Variants in SUN1 observed in about 807,000 individuals in gnomAD.
SUN1 encodes the protein SUN domain-containing protein 1.
Under a neutral mutation model 103.2 loss-of-function variants are expected in SUN1, and 61 were observed. The observed-to-expected ratio is 0.59, with a 90% confidence interval of 0.48 to 0.73. SUN1 has a LOEUF of 0.73. SUN1 is among the 30% of genes least tolerant of loss of function. SUN1 has a pLI of 0.00. For synonymous variants in SUN1, 490 were observed against 425.7 expected (o/e 1.15, Z -1.86); for missense variants, 1,052 against 1,034.6 (o/e 1.02, Z -0.23).
chr7:819,408 ACT>A (rs1432782387), intron 1 of SUN1, among the ~76,000 whole-genome samples: 1 of 152,026 alleles, frequency 6.6e-6, no homozygotes, highest in African/African-American at 2.4e-5. Flanking sequence ...ATACCTAAGA[ACT>A]CTGCAAAATC....
chr7:861,529 A>C, intron 15 of SUN1, 65 bp downstream of exon 15: 16 of 1,542,668 alleles, frequency 1.0e-5, no homozygotes, highest in Non-Finnish European at 1.3e-5. Context: ...TGTGCACTTG[A>C]GAGGCTGTTG....
intron 18 of SUN1, among the ~76,000 whole-genome samples, chr7:872,984 G>C (rs1442578621): frequency 6.6e-6 from 1 of 152,228 alleles, no homozygotes; most frequent in African/African-American, 2.4e-5. Flanking sequence ...CTACTCAGGA[G>C]GCTGAGGCAG....
At chr7:844,636 G>A (rs952579231) in intron 5 of SUN1, among the ~76,000 whole-genome samples, 2 of 152,198 alleles carry the variant, frequency 1.3e-5, no homozygotes, top group Admixed American at 6.5e-5. Flanking sequence ...GAAAGGTGGC[G>A]GGAGCGGGGC....
At chr7:840,701 G>A (rs1223675232) in intron 2 of SUN1, among the ~76,000 whole-genome samples, 1 of 148,894 alleles carries the variant, frequency 6.7e-6, no homozygotes, top group African/African-American at 2.5e-5. Context: ...GAGTGCAGTG[G>A]TGCAATCTCG....
intron 1 of SUN1, among the ~76,000 whole-genome samples, chr7:825,128 A>C (rs547770483): frequency 1.3e-5 from 2 of 151,420 alleles, no homozygotes; most frequent in Non-Finnish European, 2.9e-5. Flanking sequence ...GCACGATCTC[A>C]GCTCACTGCA....
At chr7:847,440 C>T (rs548239171) in intron 5 of SUN1, among the ~76,000 whole-genome samples, 1 of 147,486 alleles carries the variant, frequency 6.8e-6, no homozygotes, top group Non-Finnish European at 1.5e-5. Flanking sequence ...CCGGGATCCC[C>T]TGGGGGTTAC....
intron 1 of SUN1, among the ~76,000 whole-genome samples, chr7:822,924 C>CCA (rs940578371): frequency 2.0e-5 from 3 of 152,134 alleles, no homozygotes; most frequent in Admixed American, 6.5e-5. Context: ...CCGTGAATTC[C>CCA]CACACACACA....
At chr7:854,360 A>C (rs1584932872) in intron 10 of SUN1, among the ~76,000 whole-genome samples, 1 of 152,260 alleles carries the variant, frequency 6.6e-6, no homozygotes, top group Admixed American at 6.5e-5. Context: ...TGCACTGCCT[A>C]GTGGAGGATG....
In SUN1 at chr7:861,581, A is replaced by G. The variant is rs1016761755; in HGVS notation, c.1864+117A>G. 10 of 973,744 alleles carry G rather than the reference A, an allele frequency of 1.0e-5. No individual in the cohort carries two copies. In the South Asian group the frequency reaches 1.1e-4, roughly 11 times the overall value. The allele number at this position is 973,744 out of a possible 1,614,324, so 60.3% of individuals were successfully genotyped here. A position where few individuals can be genotyped will look rare whatever the true frequency, so the allele number is the denominator to read the frequency against. ...CAGTAAGGACTCCTAACTTTTAAAC[A>G]TCTGAGAAAGGGAGCATGATTCTGG... is the stretch of plus-strand genomic sequence containing the variant. On this transcript the variant is annotated intron_variant, in intron 15 of 18. Transcript: ENST00000401592.
chr7:847,004 T>C (rs969565021), intron 5 of SUN1, among the ~76,000 whole-genome samples: 2 of 152,022 alleles, frequency 1.3e-5, no homozygotes, highest in African/African-American at 4.8e-5. Context: ...AGCTTATCTC[T>C]AAAAAAAATT....
intron 1 of SUN1, among the ~76,000 whole-genome samples, chr7:837,258 G>A (rs956146318): frequency 6.6e-6 from 1 of 152,186 alleles, no homozygotes; most frequent in Non-Finnish European, 1.5e-5. Context: ...GGCTGGAGTC[G>A]GTGTCAGGGC....
At chr7:864,948 A>G (rs1835277356) in intron 15 of SUN1, among the ~76,000 whole-genome samples, 1 of 149,910 alleles carries the variant, frequency 6.7e-6, no homozygotes, top group Admixed American at 6.6e-5. Flanking sequence ...TTTTCTCTGG[A>G]CCCATTAACC....
chr7:816,545 G>A, upstream of SUN1: 1 of 374,288 alleles, frequency 2.7e-6, no homozygotes. Flanking sequence ...TGGCGCGCTC[G>A]GGACTGGTGA....
intron 1 of SUN1, among the ~76,000 whole-genome samples, chr7:837,221 G>C (rs1053462879): frequency 1.3e-5 from 2 of 152,228 alleles, no homozygotes; most frequent in Non-Finnish European, 2.9e-5. Flanking sequence ...TCCGTGGCTG[G>C]AAGAGCTGGG....
In SUN1 at chr7:856,256, G is replaced by A. The variant is rs1827175225; in HGVS notation, c.1351-102G>A. The A allele has an allele frequency of 2.6e-5, 31 of 1,199,810 alleles. No homozygotes were observed. The South Asian group carries it at 3.9e-4, about 15-fold the overall frequency. The allele number at this position is 1,199,810 out of a possible 1,614,324, so 74.3% of individuals were successfully genotyped here. ...AGGCAGATCTGGACTTTGAATTAAA[G>A]GGGGTATTCCAGATAAATCAATGGA... On this transcript the variant is annotated intron_variant, in intron 11 of 18. Coordinates refer to ENST00000401592, the MANE Select transcript of SUN1 (RefSeq NM_001130965.3).
chr7:832,331 A>T (rs1315810437), upstream of SUN1, among the ~76,000 whole-genome samples: 1 of 152,146 alleles, frequency 6.6e-6, no homozygotes, highest in Non-Finnish European at 1.5e-5. Flanking sequence ...GCTTGTAACT[A>T]TGGAAACACT....
intron 15 of SUN1, 61 bp from the exon 16 acceptor site, chr7:865,891 G>A (rs972921713): frequency 9.6e-6 from 13 of 1,352,056 alleles, no homozygotes; most frequent in Admixed American, 3.4e-5. Context: ...AAGTGGTGCA[G>A]TACTATTGCT....
intron 1 of SUN1, among the ~76,000 whole-genome samples, chr7:826,619 C>G (rs938074846): frequency 1.3e-5 from 2 of 152,106 alleles, no homozygotes; most frequent in African/African-American, 4.8e-5. Flanking sequence ...AGGTTTGAGT[C>G]GTAGGTGTGA....
chr7:870,598 GA>G (rs907939468), intron 17 of SUN1, among the ~76,000 whole-genome samples: 2 of 151,794 alleles, frequency 1.3e-5, no homozygotes, highest in East Asian at 1.9e-4. Context: ...AAAAGGAAAG[GA>G]AAAAAAAGAG....
Sources: gnomAD v4.1 joint callset for allele counts (sites outside exome capture counted in the v4.1 genomes callset) on GRCh38, gnomAD v4.1.1 for gene constraint, MANE v1.5 for transcripts, NCBI Gene and HGNC (gene_info 2026-07-23, HGNC 2026-07-21) for gene names.